ARHGAP30: variants seen among roughly 807,000 people sequenced by gnomAD.
ARHGAP30 encodes rho GTPase-activating protein 30.
A neutral mutation model predicts 72.0 loss-of-function variants in ARHGAP30; 23 were observed. The ratio of observed to expected loss-of-function variants is 0.32; its 90% confidence interval spans 0.23 to 0.45. ARHGAP30 has a LOEUF of 0.45. Among genes scored for constraint, ARHGAP30 ranks in the 20% least tolerant of loss-of-function variants. The pLI is 1.00. For synonymous variants in ARHGAP30, 576 were observed against 528.2 expected (o/e 1.09, Z -1.24); for missense variants, 1,319 against 1,383.4 (o/e 0.95, Z 0.74).
At chr1:161,062,259 C>T (rs1381094103) in intron 1 of ARHGAP30, among the ~76,000 whole-genome samples, 2 of 152,108 alleles carry the variant, frequency 1.3e-5, no homozygotes, top group Admixed American at 1.3e-4. Flanking sequence ...AAAATATAAA[C>T]TCCTCAACCT....
rs758749663 is a variant in ARHGAP30 at position 161,059,638 on chromosome 1, A to AC, written c.175dup (p.Val59GlyfsTer13). 1.2e-6 allele frequency: 2 copies of AC among 1,612,490 alleles called. No homozygotes were observed. Among genetic ancestry groups the AC allele is most frequent in the East Asian group, 2.2e-5 (1 of 44,832 alleles). On this transcript the variant is annotated frameshift_variant, in exon 2 of 12. Transcript: ENST00000368013. LOFTEE classifies it high-confidence loss of function. ...CCGAAGCTTCTGGATGTTGGAGGAG[A>AC]CCCCTGAGAGGCGGTAGATCCCATC...
chr1:161,048,390 C>A lies in ARHGAP30; in HGVS notation c.2631G>T (p.Glu877Asp). 1 of 1,614,102 alleles carries A rather than the reference C, an allele frequency of 6.2e-7. No homozygotes were observed. Among genetic ancestry groups the A allele is most frequent in the Non-Finnish European group, 8.5e-7 (1 of 1,180,022 alleles). The change falls in exon 12 of 12, where the codon GAG becomes GAT. Residue 877 changes from glutamate to aspartate, a missense_variant. Glu to Asp is a conservative substitution (Grantham distance 45). Around this residue, in one of 2 missense-constraint regions of ARHGAP30, gnomAD observed 1,097 missense variants for 1,045.2 expected, o/e 1.05. Transcript: ENST00000368013. ...VASLEVDCAKEGNPHSSEMEE... is the reference protein window; with the variant it reads ...VASLEVDCAKDGNPHSSEMEE... ...CCATCTCAGAAGAGTGAGGATTGCCCTCTTTGGCACAGTCAACCTCCAGGG... is the reference window on the plus strand; with the variant it reads ...CCATCTCAGAAGAGTGAGGATTGCCATCTTTGGCACAGTCAACCTCCAGGG...
chr1:161,052,781 A>G lies in ARHGAP30; in HGVS notation c.681T>C (p.Ser227=). 1 of 1,611,024 alleles carries G rather than the reference A, an allele frequency of 6.2e-7. No homozygotes were observed. Among genetic ancestry groups the G allele is most frequent in the Non-Finnish European group, 8.5e-7 (1 of 1,179,650 alleles). Residue 227 remains serine (S), a synonymous_variant, in exon 7 of 12, where the codon AGT becomes AGC. Coordinates refer to ENST00000368013, the MANE Select transcript of ARHGAP30 (RefSeq NM_001025598.2). The part of the protein sequence containing the change: ...GAALSGGEVE[S]GWRSLPGTRA... Reference sequence around the variant, plus strand: ...GGGTCCCTGGAAGCGATCGCCACCCACTCTCCACCTCACCACCTGGGAAAA... The same window carrying G: ...GGGTCCCTGGAAGCGATCGCCACCCGCTCTCCACCTCACCACCTGGGAAAA...
Position 161,064,833 on chromosome 1 carries a change from G to GAAAGAA in ARHGAP30, c.97+4689_97+4694dup, listed in dbSNP as rs1557935439. ...AAAGAAAGAAAGAAAGAAAGAAAGA[G>GAAAGAA]AAAGAAAGAAAGAAAGGAAAGGAAG... On this transcript the variant is annotated intron_variant, in intron 1 of 11. Transcript: ENST00000368013. Among the ~76,000 whole-genome samples the GAAAGAA allele has an allele frequency of 9.4e-4, 63 of 66,970 alleles. 4 individuals are homozygous for GAAAGAA. The highest frequency in any genetic ancestry group is 5.1e-3 in the South Asian group (10 of 1,972). 43.9% of individuals were successfully genotyped at this position (66,970 alleles called of 152,430 possible). A position where few individuals can be genotyped will look rare whatever the true frequency, so the allele number is the denominator to read the frequency against.
Position 161,047,963 on chromosome 1 carries a change from T to C in ARHGAP30, c.3058A>G (p.Thr1020Ala). The change falls in exon 12 of 12, where the codon ACC (threonine) becomes GCC (alanine). Residue 1020 changes from threonine to alanine, a missense_variant. Physicochemically the swap from Thr to Ala is moderately conservative, Grantham distance 58 (BLOSUM62 0). Around this residue, in one of 2 missense-constraint regions of ARHGAP30, gnomAD observed 1,097 missense variants for 1,045.2 expected, o/e 1.05. Transcript: ENST00000368013. The part of the protein sequence containing the change: ...TEAQGVRRTQ[T>A]CTEGGDYCLI... ...CAGTAATCCCCACCCTCAGTACAGG[T>C]CTGGGTTCGCCGAACTCCTTGAGCC... The C allele has an allele frequency of 4.3e-6, 7 of 1,613,918 alleles. No individual in the cohort carries two copies. The highest frequency in any genetic ancestry group is 5.1e-6 in the Non-Finnish European group (6 of 1,179,958).
At position 161,054,647 on chromosome 1, in the gene ARHGAP30, C is replaced by T. The variant is rs1431501347; in HGVS notation, c.404G>A (p.Arg135Gln). 3 of 1,613,944 alleles carry T rather than the reference C, an allele frequency of 1.9e-6. No homozygotes were observed. The highest frequency in any genetic ancestry group is 2.5e-6 in the Non-Finnish European group (3 of 1,180,010). The change falls in exon 4 of 12, where the codon CGG (arginine) becomes CAG (glutamine). Residue 135 changes from arginine (R) to glutamine (Q), a missense_variant. Arg to Gln is a conservative substitution (Grantham distance 43). Transcript: ENST00000368013. ...CCTGTAGTTTGGGACAGGGAGTTCC[C>T]GAAGCACCTCTAGGATCTTGACCAA... Reference protein sequence around the residue: ...ERLVKILEVLRELPVPNYRTL... With the variant: ...ERLVKILEVLQELPVPNYRTL...
Position 161,047,546 on chromosome 1 carries a change from G to T in ARHGAP30, c.*169C>A. The T allele has an allele frequency of 1.7e-6, 1 of 584,956 alleles. No individual in the cohort carries two copies. The highest frequency in any genetic ancestry group is 2.6e-6 in the Non-Finnish European group (1 of 378,088). 36.2% of individuals were successfully genotyped at this position (584,956 alleles called of 1,614,324 possible). On this transcript the variant is annotated 3_prime_UTR_variant, in exon 12 of 12. Transcript: ENST00000368013. Reference sequence around the variant, plus strand: ...TGCTTTGTGTCGGAGACAAGTTCAGGTAAACCAACCAAGGCAGTGCCTCCC... The same window carrying T: ...TGCTTTGTGTCGGAGACAAGTTCAGTTAAACCAACCAAGGCAGTGCCTCCC...
At chr1:161,061,838 A>C (rs1388560375) in intron 1 of ARHGAP30, among the ~76,000 whole-genome samples, 1 of 152,152 alleles carries the variant, frequency 6.6e-6, no homozygotes, top group Non-Finnish European at 1.5e-5. Context: ...CTGTAATCCC[A>C]GCACTTTGGG....
intron 1 of ARHGAP30, among the ~76,000 whole-genome samples, chr1:161,063,554 C>T (rs186719336): frequency 1.9e-3 from 293 of 152,256 alleles, no homozygotes; most frequent in Non-Finnish European, 1.7e-3. Flanking sequence ...GCGTTAACTA[C>T]ACAAATTGTA....
intron 2 of ARHGAP30, among the ~76,000 whole-genome samples, chr1:161,057,189 C>T (rs1415314501): frequency 1.3e-5 from 2 of 150,664 alleles, no homozygotes; most frequent in African/African-American, 4.9e-5. Flanking sequence ...GAGTCTCACT[C>T]TGTCGCCCAG....
rs1651349031 is a variant in ARHGAP30, at chr1:161,051,346, CCAGGGCCAGAGG to C, written c.1376_1387del (p.Ala459_Pro462del). ...GCCAGGGCCAAGGCCAGGGCCAGGG[CCAGGGCCAGAGG>C]CAGGGCTTGGCCGGTGCTGTAGAGC... On this transcript the variant is annotated inframe_deletion, in exon 10 of 12. Coordinates refer to ENST00000368013, the MANE Select transcript of ARHGAP30 (RefSeq NM_001025598.2). 2 of 1,610,780 alleles carry C rather than the reference CCAGGGCCAGAGG, an allele frequency of 1.2e-6. No individual in the cohort carries two copies. The highest frequency in any genetic ancestry group is 4.5e-5 in the East Asian group (2 of 44,860).
chr1:161,059,035 G>GT (rs1440388105), intron 2 of ARHGAP30, among the ~76,000 whole-genome samples: 2 of 151,560 alleles, frequency 1.3e-5, no homozygotes, highest in Non-Finnish European at 2.9e-5. Flanking sequence ...TAAGTTTTTT[G>GT]TTTTTTGTTT....
At position 161,049,678 on chromosome 1, in the gene ARHGAP30, C is replaced by T; in HGVS notation, c.1432G>A (p.Glu478Lys). 1 of 1,613,134 alleles carries T rather than the reference C, an allele frequency of 6.2e-7. No homozygotes were observed. Among genetic ancestry groups the T allele is most frequent in the Non-Finnish European group, 8.5e-7 (1 of 1,179,536 alleles). The part of the protein sequence containing the change: ...LGPGPPDEKL[E>K]ASPASSPLAD... The stretch of plus-strand genomic sequence containing the variant: ...AGGGGACTTGAGGCTGGACTTGCTT[C>T]CAACTTTTCATCTGTTGGGGGAGAA... Residue 478 changes from glutamate (E) to lysine (K), a missense_variant, in exon 11 of 12, where the codon GAA (glutamate) becomes AAA (lysine). Coordinates refer to ENST00000368013, the MANE Select transcript of ARHGAP30 (RefSeq NM_001025598.2).
At position 161,048,733 on chromosome 1, in the gene ARHGAP30, A is replaced by G. The variant is rs1470868382; in HGVS notation, c.2288T>C (p.Val763Ala). The G allele has an allele frequency of 2.5e-6, 4 of 1,613,410 alleles. No homozygotes were observed. In the South Asian group the frequency reaches 3.3e-5, roughly 13 times the overall value. The change falls in exon 12 of 12, where the codon GTA becomes GCA. Residue 763 changes from valine to alanine, a missense_variant. Transcript: ENST00000368013. ...EEDEQREEAQ[V>A]EAGRDLEQGA... ...TTGCTCTAGGTCCCTTCCAGCTTCT[A>G]CCTGGGCTTCCTCTCTTTGTTCATC...
Position 161,049,571 on chromosome 1 carries a change from T to G in ARHGAP30, c.1539A>C (p.Leu513=). 3 of 1,614,068 alleles carry G rather than the reference T, an allele frequency of 1.9e-6. No homozygotes were observed. Among genetic ancestry groups the G allele is most frequent in the Non-Finnish European group, 2.5e-6 (3 of 1,179,980 alleles). The part of the protein sequence containing the change: ...SQEVQDSFSF[L]EDSSSSEPEW... ...CAGGTTCTGAGCTGCTTGAGTCCTCTAGGAAGGAGAAGGAGTCCTGCACCT... is the reference window on the plus strand; with the variant it reads ...CAGGTTCTGAGCTGCTTGAGTCCTCGAGGAAGGAGAAGGAGTCCTGCACCT... The change falls in exon 11 of 12, where the codon CTA becomes CTC. Residue 513 remains leucine (L), a synonymous_variant. Transcript: ENST00000368013.
At position 161,046,947 on chromosome 1, in the gene ARHGAP30, G is replaced by T. The variant is rs1035920467; in HGVS notation, c.*768C>A. Reference sequence around the variant, plus strand: ...AGAATAATGAGACTCCACACTATGTGTAAAAATACAGCTTTTATTCTGAGA... The same window carrying T: ...AGAATAATGAGACTCCACACTATGTTTAAAAATACAGCTTTTATTCTGAGA... On this transcript the variant is annotated 3_prime_UTR_variant, in exon 12 of 12. Transcript: ENST00000368013. 5 of 463,442 alleles carry T rather than the reference G, an allele frequency of 1.1e-5. No individual in the cohort carries two copies. Among genetic ancestry groups the T allele is most frequent in the Non-Finnish European group, 2.2e-5 (5 of 224,412 alleles). The allele number at this position is 463,442 out of a possible 1,614,324, so 28.7% of individuals were successfully genotyped here. A position where few individuals can be genotyped will look rare whatever the true frequency, so the allele number is the denominator to read the frequency against.
In ARHGAP30 at chr1:161,054,767, C is replaced by A. The variant is rs538453729; in HGVS notation, c.346-62G>T. 4.2e-4 allele frequency: 614 copies of A among 1,473,174 alleles called. 6 individuals carry two copies. The South Asian group carries it at 6.7e-3, about 16-fold the overall frequency. The allele number at this position is 1,473,174 out of a possible 1,614,324, so 91.3% of individuals were successfully genotyped here. A position where few individuals can be genotyped will look rare whatever the true frequency, so the allele number is the denominator to read the frequency against. The stretch of plus-strand genomic sequence containing the variant: ...CCCAGCAATGCCCCTGCTTACTCCC[C>A]AGAGCTTGTAACCAAGTTCTCAGGA... On this transcript the variant is annotated intron_variant, in intron 3 of 11. Coordinates refer to ENST00000368013, the MANE Select transcript of ARHGAP30 (RefSeq NM_001025598.2).
rs754444804 is a variant in ARHGAP30 at position 161,051,565 on chromosome 1, C to T, written c.1169G>A (p.Arg390Gln). ...GGTNSEPGTP[R>Q]AGRSAIRAGG... ...AGCCCGGATGGCTGACCGCCCAGCTCGTGGTGTGCCTGGTTCAGAGTTTGT... is the reference window on the plus strand; with the variant it reads ...AGCCCGGATGGCTGACCGCCCAGCTTGTGGTGTGCCTGGTTCAGAGTTTGT... The change falls in exon 10 of 12, where the codon CGA becomes CAA. Residue 390 changes from arginine (R) to glutamine (Q), a missense_variant. Coordinates refer to ENST00000368013, the MANE Select transcript of ARHGAP30 (RefSeq NM_001025598.2). The T allele has an allele frequency of 2.5e-5, 41 of 1,613,948 alleles. No individual in the cohort carries two copies. The Admixed American group carries it at 3.3e-4, about 13-fold the overall frequency.
In ARHGAP30 at chr1:161,048,185, A is replaced by C. The variant is rs1204434342; in HGVS notation, c.2836T>G (p.Phe946Val). The C allele has an allele frequency of 6.2e-7, 1 of 1,614,020 alleles. No homozygotes were observed. The highest frequency in any genetic ancestry group is 8.5e-7 in the Non-Finnish European group (1 of 1,180,010). The change falls in exon 12 of 12, where the codon TTT (phenylalanine) becomes GTT (valine). Residue 946 changes from phenylalanine to valine, a missense_variant. Around this residue, in one of 2 missense-constraint regions of ARHGAP30, gnomAD observed 1,097 missense variants for 1,045.2 expected, o/e 1.05. Transcript: ENST00000368013. ...SVPVVPPKPQ[F>V]AKMPSAMCSK... ...CACATTGCACTGGGCATCTTGGCAA[A>C]CTGTGGCTTGGGGGGCACCACAGGC...
Sources: gnomAD v4.1 joint callset for allele counts (sites outside exome capture counted in the v4.1 genomes callset) on GRCh38, gnomAD v4.1.1 for gene constraint, gnomAD v4.1.1 regional missense constraint, MANE v1.5 for transcripts, NCBI Gene and HGNC (gene_info 2026-07-23, HGNC 2026-07-21) for gene names.